The following PALLD variants were observed in gnomAD, a reference collection of about 807,000 sequenced individuals.
PALLD encodes the protein palladin.
PALLD carries 61 observed loss-of-function variants against 123.5 expected under a neutral mutation model. The ratio of observed to expected loss-of-function variants is 0.49; its 90% CI spans 0.40 to 0.61. The LOEUF is 0.61. PALLD is among the 20% of genes least tolerant of loss of function. The pLI is 0.00. For missense variants in PALLD, 1,273 were observed against 1,377.0 expected (o/e 0.92, Z 1.20); for synonymous variants, 465 against 496.4 (o/e 0.94, Z 0.84).
At chr4:168,613,812 T>A (rs967728916) in intron 2 of PALLD, among the ~76,000 whole-genome samples, 1 of 152,196 alleles carries the variant, frequency 6.6e-6, no homozygotes, top group African/African-American at 2.4e-5. Context: ...TCGATTAAAC[T>A]AATTCACGGG....
intron 8 of PALLD, among the ~76,000 whole-genome samples, chr4:168,702,127 C>G (rs1783734061): frequency 6.6e-6 from 1 of 152,076 alleles, no homozygotes; most frequent in South Asian, 2.1e-4. Context: ...CTTTCATTAC[C>G]TTACTTTATG....
intron 10 of PALLD, among the ~76,000 whole-genome samples, chr4:168,805,424 T>C (rs1365610788): frequency 6.6e-6 from 1 of 152,150 alleles, no homozygotes; most frequent in East Asian, 1.9e-4. Context: ...AGTAAAACTA[T>C]TTAAGGAATT....
chr4:168,884,182 T>G (rs28661460), intron 10 of PALLD, among the ~76,000 whole-genome samples: 20,349 of 152,222 alleles, frequency 0.13, 1,536 homozygotes, highest in Middle Eastern at 0.22. Flanking sequence ...AATACTCCAC[T>G]TTTATTTCTA....
chr4:168,866,113 A>C (rs1750242412), intron 10 of PALLD, among the ~76,000 whole-genome samples: 1 of 151,834 alleles, frequency 6.6e-6, no homozygotes, highest in Admixed American at 6.6e-5. Flanking sequence ...AAAAAAAAAA[A>C]ATTCCACTGG....
intron 10 of PALLD, among the ~76,000 whole-genome samples, chr4:168,775,274 T>G (rs1453374019): frequency 6.6e-6 from 1 of 152,200 alleles, no homozygotes; most frequent in Non-Finnish European, 1.5e-5. Flanking sequence ...TGGTTTTAAT[T>G]TGCACTTCCC....
intron 10 of PALLD, among the ~76,000 whole-genome samples, chr4:168,851,412 G>A (rs2150980590): frequency 6.6e-6 from 1 of 152,274 alleles, no homozygotes; most frequent in South Asian, 2.1e-4. Context: ...GTTTCACCCA[G>A]GCTGGAGTGC....
chr4:168,635,034 A>T (rs1159993456), intron 2 of PALLD, among the ~76,000 whole-genome samples: 1 of 152,202 alleles, frequency 6.6e-6, no homozygotes, highest in African/African-American at 2.4e-5. Flanking sequence ...ATTGCCAGAG[A>T]AGAGACCCAA....
chr4:168,578,892 T>G (rs1410994527), intron 2 of PALLD, among the ~76,000 whole-genome samples: 1 of 152,130 alleles, frequency 6.6e-6, no homozygotes, highest in African/African-American at 2.4e-5. Context: ...GAGAACACTG[T>G]TTGAGGCTCA....
intron 10 of PALLD, among the ~76,000 whole-genome samples, chr4:168,848,979 T>C (rs1409173474): frequency 6.6e-6 from 1 of 151,858 alleles, no homozygotes; most frequent in African/African-American, 2.4e-5. Context: ...TGAGAGGGGG[T>C]TATTTTGTAG....
At chr4:168,924,124 C>T (rs1762121454) in intron 18 of PALLD, 131 bp from the exon 19 acceptor site, 1 of 748,276 alleles carries the variant, frequency 1.3e-6, no homozygotes, top group Non-Finnish European at 2.3e-6. Flanking sequence ...AGGGGACTAG[C>T]ATCTTACCAC....
intron 15 of PALLD, among the ~76,000 whole-genome samples, chr4:168,911,254 T>C (rs1356085606): frequency 2.0e-5 from 3 of 152,344 alleles, no homozygotes; most frequent in East Asian, 3.9e-4. Context: ...TGTTTGACTG[T>C]TTGTAACAAC....
At chr4:168,912,281 C>T (rs776790920) in intron 15 of PALLD, among the ~76,000 whole-genome samples, 21 of 152,226 alleles carry the variant, frequency 1.4e-4, no homozygotes, top group Non-Finnish European at 2.1e-4. Flanking sequence ...GAGGGCTTCT[C>T]ATCAACTCTG....
chr4:168,845,472 A>C (rs1746700918), intron 10 of PALLD, among the ~76,000 whole-genome samples: 2 of 152,264 alleles, frequency 1.3e-5, no homozygotes, highest in African/African-American at 4.8e-5. Flanking sequence ...TAATACAAGA[A>C]AAAAAGCAAT....
chr4:168,888,055 A>AT (rs1199925262), intron 10 of PALLD, among the ~76,000 whole-genome samples: 2 of 152,194 alleles, frequency 1.3e-5, no homozygotes, highest in Non-Finnish European at 2.9e-5. Context: ...AAGACTGATG[A>AT]TAACAACCCC....
chr4:168,521,343 G>C (rs1402183331), intron 2 of PALLD, among the ~76,000 whole-genome samples: 3 of 152,134 alleles, frequency 2.0e-5, no homozygotes, highest in Non-Finnish European at 4.4e-5. Flanking sequence ...CATCAGTTAG[G>C]TCACTGTGGC....
Position 168,708,985 on chromosome 4 carries a change from A to T in PALLD, c.1502-43A>T, listed in dbSNP as rs764399695. On this transcript the variant is annotated intron_variant, in intron 8 of 21. Coordinates refer to ENST00000505667, the MANE Select transcript of PALLD (RefSeq NM_001166108.2). ...GGTCTCACTTCTTAAAAGTGACTTC[A>T]TGGTTCAACTCTGATGAATGATTCT... is the stretch of plus-strand genomic sequence containing the variant. 2.5e-6 allele frequency: 4 copies of T among 1,604,366 alleles called. No individual in the cohort carries two copies. In the South Asian group the frequency reaches 3.3e-5, roughly 13 times the overall value.
intron 10 of PALLD, among the ~76,000 whole-genome samples, chr4:168,880,563 A>G (rs1752472424): frequency 1.3e-5 from 2 of 152,342 alleles, no homozygotes; most frequent in East Asian, 3.9e-4. Flanking sequence ...CTGGCATACT[A>G]TGGGATCTGT....
At chr4:168,713,825 G>A (rs936917946) in intron 10 of PALLD, among the ~76,000 whole-genome samples, 3 of 149,584 alleles carry the variant, frequency 2.0e-5, no homozygotes, top group African/African-American at 4.9e-5. Flanking sequence ...AATGTATGAG[G>A]CCCAAATAAA....
rs959609197 is a variant in PALLD at position 168,914,188 on chromosome 4, T to C, written c.2717+167T>C. The C allele has an allele frequency of 2.4e-5, 15 of 631,858 alleles. No homozygotes were observed. The East Asian group carries it at 4.2e-4, about 18-fold the overall frequency. The allele number at this position is 631,858 out of a possible 1,614,324, so 39.1% of individuals were successfully genotyped here. Reference sequence around the variant, plus strand: ...CCTTGATTATTATGCTCCCTTGTGATGCAGAAAGGGAATGGGAACAAACAT... The same window carrying C: ...CCTTGATTATTATGCTCCCTTGTGACGCAGAAAGGGAATGGGAACAAACAT... On this transcript the variant is annotated intron_variant, in intron 16 of 21. Transcript: ENST00000505667.
Sources: gnomAD v4.1 joint callset for allele counts (sites outside exome capture counted in the v4.1 genomes callset) on GRCh38, gnomAD v4.1.1 for gene constraint, MANE v1.5 for transcripts, NCBI Gene and HGNC (gene_info 2026-07-23, HGNC 2026-07-21) for gene names.